Variants in PDZRN4 observed in about 807,000 individuals in gnomAD.
PDZRN4 encodes PDZ domain containing ring finger 4, also known as PDZ domain-containing RING finger protein 4.
PDZRN4 carries 70 observed loss-of-function variants against 99.0 expected under a neutral mutation model. The observed-to-expected ratio is 0.71, with a 90% CI of 0.58 to 0.86. The LOEUF (loss-of-function observed/expected upper bound fraction) is 0.86. Among genes scored for constraint, PDZRN4 ranks in the 40% least tolerant of loss-of-function variants. PDZRN4 has a pLI of 0.00. For missense variants in PDZRN4, 1,474 were observed against 1,331.2 expected (o/e 1.11, Z -1.67); for synonymous variants, 551 against 501.6 (o/e 1.10, Z -1.32).
At chr12:41,240,877 G>T (rs903170168) in intron 3 of PDZRN4, among the ~76,000 whole-genome samples, 1 of 152,066 alleles carries the variant, frequency 6.6e-6, no homozygotes, top group Non-Finnish European at 1.5e-5. Flanking sequence ...CATCTTGGGG[G>T]TTAGGATTTC....
At chr12:41,244,519 A>C (rs1951120853) in intron 3 of PDZRN4, among the ~76,000 whole-genome samples, 1 of 151,756 alleles carries the variant, frequency 6.6e-6, no homozygotes, top group East Asian at 1.9e-4. Context: ...CTCTGACCCT[A>C]CCTTCTACAC....
intron 3 of PDZRN4, among the ~76,000 whole-genome samples, chr12:41,388,207 A>G (rs953153871): frequency 6.6e-6 from 1 of 152,088 alleles, no homozygotes; most frequent in Non-Finnish European, 1.5e-5. Context: ...ATGAGACCAC[A>G]TGGATCAATA....
chr12:41,506,896 C>A (rs1393444200), intron 4 of PDZRN4, among the ~76,000 whole-genome samples, 184 bp downstream of exon 4: 1 of 152,066 alleles, frequency 6.6e-6, no homozygotes, highest in Non-Finnish European at 1.5e-5. Context: ...CTGCTAGCTA[C>A]TCTCCCTGAC....
intron 3 of PDZRN4, among the ~76,000 whole-genome samples, chr12:41,271,387 A>G (rs886227694): frequency 3.9e-5 from 6 of 152,138 alleles, no homozygotes; most frequent in Non-Finnish European, 7.4e-5. Context: ...ACCATTTTTA[A>G]GCATCTATAG....
At chr12:41,497,180 A>T (rs1938022618) in intron 3 of PDZRN4, among the ~76,000 whole-genome samples, 1 of 152,152 alleles carries the variant, frequency 6.6e-6, no homozygotes, top group Non-Finnish European at 1.5e-5. Flanking sequence ...GGCTAAGAGC[A>T]CATTTCCTCT....
rs569798226 is a variant in PDZRN4 at position 41,224,250 on chromosome 12, C to T, written c.843+30062C>T. Among the ~76,000 whole-genome samples, 10 of 152,282 alleles carry T rather than the reference C, an allele frequency of 6.6e-5. No homozygotes were observed. In the East Asian group the frequency reaches 9.7e-4, roughly 15 times the overall value. ...ACTTGAGTTGGGCTTTTATTAACCCCGTTTTACAAATGGGTAAACAATGCT... is the reference window on the plus strand; with the variant it reads ...ACTTGAGTTGGGCTTTTATTAACCCTGTTTTACAAATGGGTAAACAATGCT... On this transcript the variant is annotated intron_variant, in intron 3 of 9. Transcript: ENST00000402685.
At chr12:41,437,244 C>G (rs1037946257) in intron 3 of PDZRN4, among the ~76,000 whole-genome samples, 2 of 151,966 alleles carry the variant, frequency 1.3e-5, no homozygotes, top group African/African-American at 4.8e-5. Context: ...TTCCATGTCA[C>G]CCCCCCAAAT....
chr12:41,352,174 G>A (rs1316767290), intron 3 of PDZRN4, among the ~76,000 whole-genome samples: 6 of 151,966 alleles, frequency 3.9e-5, no homozygotes, highest in Non-Finnish European at 8.8e-5. Flanking sequence ...AAGTTACCTG[G>A]TGAACTCAGT....
At chr12:41,467,483 A>G (rs1952938942) in intron 3 of PDZRN4, among the ~76,000 whole-genome samples, 1 of 152,202 alleles carries the variant, frequency 6.6e-6, no homozygotes, top group African/African-American at 2.4e-5. Context: ...CCTACTCAAT[A>G]GAAAAAACAC....
intron 3 of PDZRN4, among the ~76,000 whole-genome samples, chr12:41,464,609 A>G (rs1455173141): frequency 6.6e-6 from 1 of 152,208 alleles, no homozygotes; most frequent in South Asian, 2.1e-4. Context: ...CAGGGTTTAC[A>G]TATGAGAATT....
intron 3 of PDZRN4, chr12:41,409,530 A>AT (rs1339152320): frequency 2.0e-5 from 3 of 152,068 alleles, no homozygotes; most frequent in African/African-American, 4.8e-5. Flanking sequence ...TTTCTGACCG[A>AT]TTTTTTCTTT....
At chr12:41,365,539 G>C (rs1417470596) in intron 3 of PDZRN4, among the ~76,000 whole-genome samples, 1 of 151,978 alleles carries the variant, frequency 6.6e-6, no homozygotes, top group Non-Finnish European at 1.5e-5. Flanking sequence ...AAATTATTTT[G>C]ATGCCCTTTG....
At chr12:41,197,928 T>TTTTTTTTG (rs1950787893) in intron 3 of PDZRN4, among the ~76,000 whole-genome samples, 1 of 143,930 alleles carries the variant, frequency 6.9e-6, no homozygotes, top group Admixed American at 7.1e-5. Context: ...GGGTTTTTTT[T>TTTTTTTTG]TTTGGAGACA....
intron 3 of PDZRN4, among the ~76,000 whole-genome samples, chr12:41,324,080 G>A (rs555305637): frequency 2.0e-5 from 3 of 152,128 alleles, no homozygotes; most frequent in African/African-American, 4.8e-5. Flanking sequence ...GATGTTGTTT[G>A]TTACAGTTAG....
At chr12:41,433,022 T>C (rs996679410) in intron 3 of PDZRN4, among the ~76,000 whole-genome samples, 84 of 152,318 alleles carry the variant, frequency 5.5e-4, no homozygotes, top group African/African-American at 2.0e-3. Flanking sequence ...TAGTGTGTGT[T>C]CAGGTACAGC....
intron 3 of PDZRN4, among the ~76,000 whole-genome samples, chr12:41,353,218 T>C (rs1163093621): frequency 6.6e-6 from 1 of 152,146 alleles, no homozygotes; most frequent in African/African-American, 2.4e-5. Context: ...GAATGCACCA[T>C]AACTTAATGG....
intron 9 of PDZRN4, among the ~76,000 whole-genome samples, chr12:41,569,981 C>CT (rs1056780881): frequency 3.6e-4 from 55 of 150,952 alleles, no homozygotes; most frequent in African/African-American, 1.3e-3. Context: ...TTGCTCCAGG[C>CT]TTTTTTTTTC....
intron 3 of PDZRN4, among the ~76,000 whole-genome samples, chr12:41,448,393 G>A (rs1055446344): frequency 6.6e-6 from 1 of 152,008 alleles, no homozygotes; most frequent in Admixed American, 6.6e-5. Context: ...TCAATCCAAA[G>A]TTTGCCACTT....
chr12:41,353,076 T>C (rs1461883596), intron 3 of PDZRN4, among the ~76,000 whole-genome samples: 3 of 152,106 alleles, frequency 2.0e-5, no homozygotes, highest in Non-Finnish European at 4.4e-5. Flanking sequence ...TCATCTAGAA[T>C]GGAAGAAATG....
Sources: gnomAD v4.1 joint callset for allele counts (sites outside exome capture counted in the v4.1 genomes callset) on GRCh38, gnomAD v4.1.1 for gene constraint, MANE v1.5 for transcripts, NCBI Gene and HGNC (gene_info 2026-07-23, HGNC 2026-07-21) for gene names.